The following GDA variants were observed in gnomAD, a reference collection of about 807,000 sequenced individuals.
GDA encodes the protein guanine deaminase, also known as cytoplasmic PSD-95 interactor.
A neutral mutation model predicts 59.6 loss-of-function variants in GDA; 18 were observed. That is an observed-to-expected ratio of 0.30 (90% CI 0.21 to 0.45). The LOEUF (loss-of-function observed/expected upper bound fraction) is 0.45. Among genes scored for constraint, GDA ranks in the 20% least tolerant of loss-of-function variants. GDA has a pLI of 1.00. For synonymous variants in GDA, 201 were observed against 201.1 expected (o/e 1.00, Z 0.00); for missense variants, 427 against 552.3 (o/e 0.77, Z 2.27).
intron 1 of GDA, among the ~76,000 whole-genome samples, chr9:72,157,921 T>C (rs1828118812): frequency 6.6e-6 from 1 of 152,200 alleles, no homozygotes; most frequent in South Asian, 2.1e-4. Context: ...CCATGCAAAT[T>C]TCTCCCTGTT....
chr9:72,210,695 A>T lies in GDA; in HGVS notation c.393A>T (p.Thr131=). 6.3e-7 allele frequency: 1 copy of T among 1,597,660 alleles called. No individual in the cohort carries two copies. Among genetic ancestry groups the T allele is most frequent in the South Asian group, 1.1e-5 (1 of 90,758 alleles). The change falls in exon 4 of 14, where the codon ACA becomes ACT. Residue 131 remains threonine, a synonymous_variant. Coordinates refer to ENST00000358399, the MANE Select transcript of GDA (RefSeq NM_004293.5). ...EEVYTRVVRR[T]LKNGTTTACY... The stretch of plus-strand genomic sequence containing the variant: ...TTGTGATTTATTTTTAGAGGAGAAC[A>T]CTAAAGAATGGAACAACCACAGCTT...
At position 72,138,997 on chromosome 9, in the gene GDA, T is replaced by C. The variant is rs1826345301; in HGVS notation, c.-100+24164T>C. ...ACATCTGTATCGTTGTATCTTTCCA[T>C]GCATTTCGTGTTATATTGTTTTTAT... is the stretch of plus-strand genomic sequence containing the variant. On this transcript the variant is annotated intron_variant, in intron 1 of 13. Coordinates refer to the GDA transcript ENST00000545168. Among the ~76,000 whole-genome samples the C allele has an allele frequency of 2.0e-5, 3 of 152,362 alleles. No individual in the cohort carries two copies. The East Asian group carries it at 5.8e-4, about 29-fold the overall frequency.
At chr9:72,170,325 G>T (rs965762567) in intron 1 of GDA, among the ~76,000 whole-genome samples, 3 of 152,162 alleles carry the variant, frequency 2.0e-5, no homozygotes, top group African/African-American at 7.2e-5. Flanking sequence ...AAAAGATACA[G>T]CAAGAAGCAG....
intron 11 of GDA, among the ~76,000 whole-genome samples, chr9:72,243,074 T>G (rs4130867): frequency 0.17 from 26,284 of 152,178 alleles, 2,579 homozygotes; most frequent in Middle Eastern, 0.29. Flanking sequence ...ATGAGATGAA[T>G]GGATCTGTAT....
chr9:72,133,567 C>T (rs1413320541), intron 1 of GDA, among the ~76,000 whole-genome samples: 4 of 152,130 alleles, frequency 2.6e-5, no homozygotes, highest in African/African-American at 9.7e-5. Context: ...GTGACCTTAG[C>T]CCACATAGCA....
chr9:72,130,309 T>G (rs1206994171), intron 1 of GDA, among the ~76,000 whole-genome samples: 1 of 152,184 alleles, frequency 6.6e-6, no homozygotes, highest in Non-Finnish European at 1.5e-5. Context: ...TTTATGTAGT[T>G]AAGAGCTGTT....
chr9:72,241,059 G>A, intron 10 of GDA, 93 bp from the exon 11 acceptor site: 1 of 808,792 alleles, frequency 1.2e-6, no homozygotes, highest in South Asian at 2.6e-5. Context: ...GTATATTAAG[G>A]ACTGAATATC....
intron 1 of GDA, among the ~76,000 whole-genome samples, chr9:72,176,466 G>A (rs1042463618): frequency 5.3e-5 from 8 of 152,176 alleles, no homozygotes; most frequent in African/African-American, 9.7e-5. Flanking sequence ...TTTTGTGGGC[G>A]TATTTTAGAA....
chr9:72,254,482 A>G (rs141070810), downstream of GDA, among the ~76,000 whole-genome samples: 20 of 152,344 alleles, frequency 1.3e-4, no homozygotes, highest in African/African-American at 4.8e-4. Flanking sequence ...CAGATCACAC[A>G]GAATTTCATA....
intron 1 of GDA, among the ~76,000 whole-genome samples, chr9:72,154,463 T>C (rs1318888123): frequency 6.6e-6 from 1 of 152,204 alleles, no homozygotes; most frequent in Non-Finnish European, 1.5e-5. Context: ...TTTCACATGG[T>C]GACATGCCAA....
At chr9:72,240,312 C>A (rs1839471053) in intron 10 of GDA, among the ~76,000 whole-genome samples, 1 of 152,140 alleles carries the variant, frequency 6.6e-6, no homozygotes, top group East Asian at 1.9e-4. Context: ...AAGTTCTCAT[C>A]TGGATTAGAA....
chr9:72,207,264 T>C (rs1232090395), intron 3 of GDA, among the ~76,000 whole-genome samples: 1 of 152,220 alleles, frequency 6.6e-6, no homozygotes, highest in Non-Finnish European at 1.5e-5. Flanking sequence ...TATATTCCTC[T>C]CTTCAATCTA....
intron 6 of GDA, among the ~76,000 whole-genome samples, chr9:72,222,253 CT>C (rs1212388564): frequency 1.3e-5 from 2 of 152,156 alleles, no homozygotes. Context: ...AATATCCATT[CT>C]GACTGGTATG....
At chr9:72,247,799 C>A (rs1840310145) in intron 13 of GDA, among the ~76,000 whole-genome samples, 1 of 152,150 alleles carries the variant, frequency 6.6e-6, no homozygotes, top group Non-Finnish European at 1.5e-5. Flanking sequence ...GTGATGTACT[C>A]ACATTCAATT....
chr9:72,149,947 G>T (rs1212941114), intron 1 of GDA, among the ~76,000 whole-genome samples: 1 of 152,242 alleles, frequency 6.6e-6, no homozygotes, highest in Non-Finnish European at 1.5e-5. Context: ...CTGCGGTAGA[G>T]CCGGGAGCAA....
chr9:72,257,430 A>T (rs561204195), downstream of GDA: 1 of 152,284 alleles, frequency 6.6e-6, no homozygotes, highest in African/African-American at 2.4e-5. Context: ...TAGAGATAGG[A>T]TATAAACTTT....
At chr9:72,243,959 A>T (rs1839887095) in intron 11 of GDA, among the ~76,000 whole-genome samples, 1 of 152,070 alleles carries the variant, frequency 6.6e-6, no homozygotes, top group Admixed American at 6.6e-5. Context: ...GCAGTTCGCG[A>T]GGTTAGGAGA....
At chr9:72,205,041 G>A (rs1834504650) in intron 3 of GDA, among the ~76,000 whole-genome samples, 1 of 150,188 alleles carries the variant, frequency 6.7e-6, no homozygotes, top group African/African-American at 2.5e-5. Flanking sequence ...GAACCCGGAG[G>A]AGGAGGTTGT....
chr9:72,192,225 T>A (rs1031231296), intron 1 of GDA, among the ~76,000 whole-genome samples: 17 of 65,238 alleles, frequency 2.6e-4, no homozygotes, highest in Admixed American at 2.0e-3. Context: ...CAAATAGCCT[T>A]TTTTTTTTTT....
Sources: allele counts gnomAD v4.1 joint callset (sites outside exome capture counted in the v4.1 genomes callset), GRCh38; gene constraint gnomAD v4.1.1; transcripts MANE v1.5; gene names NCBI Gene and HGNC (gene_info 2026-07-23, HGNC 2026-07-21).